Variants in GPC6 observed in about 807,000 individuals in gnomAD.
GPC6 encodes glypican-6.
A neutral mutation model predicts 55.2 loss-of-function variants in GPC6; 14 were observed. That is an observed-to-expected ratio of 0.25 (90% CI 0.17 to 0.40). The LOEUF is 0.40. GPC6 is among the 10% of genes least tolerant of loss of function. The pLI is 1.00. For synonymous variants in GPC6, 278 were observed against 259.6 expected (o/e 1.07, Z -0.68); for missense variants, 641 against 708.5 (o/e 0.90, Z 1.08).
At chr13:93,875,660 A>G (rs1242888561) in intron 3 of GPC6, among the ~76,000 whole-genome samples, 1 of 152,054 alleles carries the variant, frequency 6.6e-6, no homozygotes, top group East Asian at 1.9e-4. Context: ...GAATGAGATA[A>G]TATAGAAAGA....
chr13:94,336,207 A>AATT (rs371317323), intron 6 of GPC6, among the ~76,000 whole-genome samples: 70 of 152,240 alleles, frequency 4.6e-4, no homozygotes, highest in African/African-American at 1.6e-3. Context: ...GCTTTGCTGA[A>AATT]ATTGTTTAAT....
intron 2 of GPC6, among the ~76,000 whole-genome samples, chr13:93,696,731 T>A (rs1882471077): frequency 6.6e-6 from 1 of 151,510 alleles, no homozygotes; most frequent in African/African-American, 2.4e-5. Context: ...CAAATGATTC[T>A]CCTGCCTCAG....
At position 93,573,360 on chromosome 13, in the gene GPC6, C is replaced by G. The variant is rs1048839536; in HGVS notation, c.319+27939C>G. 2.0e-5 allele frequency among the ~76,000 whole-genome samples: 3 copies of G among 151,974 alleles called. No homozygotes were observed. In the East Asian group the frequency reaches 5.8e-4, roughly 29 times the overall value. On this transcript the variant is annotated intron_variant, in intron 2 of 8. Coordinates refer to ENST00000377047, the MANE Select transcript of GPC6 (RefSeq NM_005708.5). ...AAGTCACATGAGACAGGCCCTCTTT[C>G]AATAGAATAGATTTATTTAGCAACT...
rs1411063764 is a variant in GPC6, at chr13:94,297,608, A to T, written c.1009-8372A>T. Among the ~76,000 whole-genome samples the T allele has an allele frequency of 3.9e-5, 6 of 152,232 alleles. No homozygotes were observed. The East Asian group carries it at 1.2e-3, about 29-fold the overall frequency. ...AATGCAAATGAAAAGAATTTCTTTT[A>T]TTGTAGAAAAGATTTTAAGAAGTAT... On this transcript the variant is annotated intron_variant, in intron 5 of 8. Coordinates refer to ENST00000377047, the MANE Select transcript of GPC6 (RefSeq NM_005708.5).
intron 1 of GPC6, among the ~76,000 whole-genome samples, chr13:93,231,407 A>G (rs1457183288): frequency 2.5e-5 from 1 of 39,466 alleles, no homozygotes; most frequent in African/African-American, 1.2e-4. Context: ...GTATATATAT[A>G]TATATATATA....
chr13:94,179,369 G>T (rs905650446), intron 4 of GPC6, among the ~76,000 whole-genome samples: 49 of 152,088 alleles, frequency 3.2e-4, no homozygotes, highest in Non-Finnish European at 1.5e-5. Context: ...ATCTAAAAGG[G>T]CATGAGCTTA....
intron 4 of GPC6, among the ~76,000 whole-genome samples, chr13:94,168,873 T>C (rs1006916456): frequency 6.6e-6 from 1 of 152,180 alleles, no homozygotes; most frequent in East Asian, 1.9e-4. Context: ...GTGCTGTGGG[T>C]AAGTAGGCCC....
intron 3 of GPC6, chr13:94,025,389 A>T (rs1398152467): frequency 6.6e-6 from 1 of 152,024 alleles, no homozygotes; most frequent in Admixed American, 6.6e-5. Flanking sequence ...TTGTCTGAGG[A>T]ATGCAAAATT....
At chr13:93,310,867 C>G (rs373906135) in intron 1 of GPC6, among the ~76,000 whole-genome samples, 37 of 152,176 alleles carry the variant, frequency 2.4e-4, no homozygotes, top group African/African-American at 8.4e-4. Flanking sequence ...TCATCTTCCT[C>G]GCCTAAGCAT....
At chr13:94,311,113 A>G (rs1204164050) in intron 6 of GPC6, among the ~76,000 whole-genome samples, 1 of 152,196 alleles carries the variant, frequency 6.6e-6, no homozygotes, top group African/African-American at 2.4e-5. Flanking sequence ...TACCCCCAAT[A>G]TGGGGCTGAG....
At chr13:94,256,996 T>G (rs767500680) in intron 4 of GPC6, among the ~76,000 whole-genome samples, 1 of 152,248 alleles carries the variant, frequency 6.6e-6, no homozygotes, top group African/African-American at 2.4e-5. Context: ...TGTTTTAGGC[T>G]TTCTTTTCTG....
chr13:94,102,763 T>A (rs1885912809), intron 4 of GPC6, among the ~76,000 whole-genome samples: 1 of 152,184 alleles, frequency 6.6e-6, no homozygotes, highest in Non-Finnish European at 1.5e-5. Context: ...CCTTTTTAAA[T>A]GAAAATAGAA....
chr13:93,497,193 C>G, intron 1 of GPC6, among the ~76,000 whole-genome samples: 1 of 152,176 alleles, frequency 6.6e-6, no homozygotes, highest in East Asian at 1.9e-4. Flanking sequence ...TAATGTTTTA[C>G]TTTCACATTG....
At chr13:93,370,107 G>A (rs925581873) in intron 1 of GPC6, among the ~76,000 whole-genome samples, 6 of 152,036 alleles carry the variant, frequency 3.9e-5, no homozygotes, top group Non-Finnish European at 8.8e-5. Context: ...GGAGGAGACC[G>A]AGTACAATGC....
chr13:93,482,790 A>C (rs542952182), intron 1 of GPC6, among the ~76,000 whole-genome samples: 1 of 152,258 alleles, frequency 6.6e-6, no homozygotes, highest in African/African-American at 2.4e-5. Flanking sequence ...GTATGAAACA[A>C]AGAGTTGTGT....
intron 4 of GPC6, among the ~76,000 whole-genome samples, chr13:94,206,711 G>C (rs1889912542): frequency 6.6e-6 from 1 of 152,012 alleles, no homozygotes; most frequent in Admixed American, 6.6e-5. Context: ...AATATTAGCT[G>C]GGTGTAGTGG....
chr13:93,588,367 AGTGTGTGTGTGTGTGTGT>A (rs71123497), intron 2 of GPC6, among the ~76,000 whole-genome samples: 14 of 150,382 alleles, frequency 9.3e-5, no homozygotes, highest in South Asian at 2.1e-4. Flanking sequence ...GTGGCTATTA[AGTGTGTGTGTGTGTGTGT>A]GTGTGTGTGT....
At chr13:93,907,818 G>A (rs1316427210) in intron 3 of GPC6, among the ~76,000 whole-genome samples, 2 of 152,016 alleles carry the variant, frequency 1.3e-5, no homozygotes, top group Non-Finnish European at 2.9e-5. Context: ...TAGTTATACA[G>A]TTTTTGTCTT....
chr13:93,818,077 A>T (rs1284321051), intron 2 of GPC6, among the ~76,000 whole-genome samples: 1 of 147,756 alleles, frequency 6.8e-6, no homozygotes, highest in African/African-American at 2.5e-5. Flanking sequence ...TATAAATCAT[A>T]TATATTTATT....
Sources: allele counts gnomAD v4.1 joint callset (sites outside exome capture counted in the v4.1 genomes callset), GRCh38; gene constraint gnomAD v4.1.1; transcripts MANE v1.5; gene names NCBI Gene and HGNC (gene_info 2026-07-23, HGNC 2026-07-21).